PAH: variants seen among roughly 807,000 people sequenced by gnomAD.
PAH encodes phenylalanine hydroxylase, also known as phenylalanine-4-hydroxylase.
PAH carries 64 observed loss-of-function variants against 62.0 expected under a neutral mutation model. The observed-to-expected ratio is 1.03, with a 90% CI of 0.84 to 1.27. The LOEUF (loss-of-function observed/expected upper bound fraction) is 1.27. Among genes scored for constraint, PAH ranks in the 50% most tolerant of loss-of-function variants. The pLI is 0.00. For synonymous variants in PAH, 195 were observed against 196.2 expected, an observed-to-expected ratio of 0.99 and a Z score of 0.05; for missense variants, 579 against 542.8, an observed-to-expected ratio of 1.07 and a Z score of -0.66.
chr12:102,854,859 C>A, intron 6 of PAH: 1 of 503,056 alleles, frequency 2.0e-6, no homozygotes, highest in Non-Finnish European at 3.6e-6. Flanking sequence ...GCACCTTGGG[C>A]TTTAAGTGTG....
chr12:102,854,480 T>A (rs1423699119), intron 6 of PAH, among the ~76,000 whole-genome samples: 1 of 152,232 alleles, frequency 6.6e-6, no homozygotes, highest in Non-Finnish European at 1.5e-5. Context: ...TGCGACTCAA[T>A]GTACTTACCT....
At chr12:102,933,738 T>C (rs545923906) in intron 1 of PAH, among the ~76,000 whole-genome samples, 18 of 152,328 alleles carry the variant, frequency 1.2e-4, no homozygotes, top group African/African-American at 4.3e-4. Context: ...TCCATTTATA[T>C]GTTTTCTTTT....
intron 3 of PAH, among the ~76,000 whole-genome samples, chr12:102,884,532 C>T (rs1166265446): frequency 6.6e-6 from 1 of 152,110 alleles, no homozygotes; most frequent in African/African-American, 2.4e-5. Flanking sequence ...TACTTAATTC[C>T]TGCGTCTCTG....
upstream of PAH, among the ~76,000 whole-genome samples, chr12:102,921,093 C>T (rs1878540722): frequency 6.6e-6 from 1 of 152,116 alleles, no homozygotes. Context: ...CAAAGTGCTG[C>T]CAGATTGCCC....
rs62642933 is a variant in PAH at position 102,851,703 on chromosome 12, A to C, written c.896T>G (p.Phe299Cys). The change falls in exon 8 of 13, where the codon TTT becomes TGT. Residue 299 changes from phenylalanine to cysteine, a missense_variant. Coordinates refer to ENST00000553106, the MANE Select transcript of PAH (RefSeq NM_000277.3). Reference protein sequence around the residue: ...GHVPLFSDRSFAQFSQEIGLA... With the variant: ...GHVPLFSDRSCAQFSQEIGLA... ...ATTCCTTACCTGGGAAAACTGGGCA[A>C]AGCTGCGATCTGAAAACAAGGGCAC... 224 of 1,613,906 alleles carry C rather than the reference A, an allele frequency of 1.4e-4. No individual in the cohort carries two copies. Among genetic ancestry groups the C allele is most frequent in the Non-Finnish European group, 1.8e-4 (211 of 1,179,928 alleles).
intron 3 of PAH, among the ~76,000 whole-genome samples, chr12:102,885,804 A>G (rs568202547): frequency 6.6e-6 from 1 of 152,136 alleles, no homozygotes; most frequent in African/African-American, 2.4e-5. Flanking sequence ...GATGTTCACC[A>G]GCCCCAGGGG....
chr12:102,918,155 G>C (rs1474733869), upstream of PAH, among the ~76,000 whole-genome samples: 1 of 152,206 alleles, frequency 6.6e-6, no homozygotes, highest in Non-Finnish European at 1.5e-5. Flanking sequence ...GAGTGAGCTG[G>C]TGGGATTTGG....
intron 1 of PAH, among the ~76,000 whole-genome samples, chr12:102,940,760 G>A (rs376375093): frequency 1.1e-3 from 174 of 152,232 alleles, no homozygotes; most frequent in African/African-American, 3.5e-3. Flanking sequence ...TGAAAATATC[G>A]TCCACAAAAA....
At chr12:102,895,637 A>T (rs1877465901) in intron 2 of PAH, among the ~76,000 whole-genome samples, 1 of 152,056 alleles carries the variant, frequency 6.6e-6, no homozygotes, top group African/African-American at 2.4e-5. Flanking sequence ...GCCTGAGGTC[A>T]GGAGTTGGAG....
chr12:102,839,222 C>T lies in PAH; in HGVS notation c.1316-4G>A. The T allele has an allele frequency of 6.2e-7, 1 of 1,613,696 alleles. No homozygotes were observed. The highest frequency in any genetic ancestry group is 8.5e-7 in the Non-Finnish European group (1 of 1,179,716). On this transcript the variant is annotated splice_region_variant and splice_polypyrimidine_tract_variant and intron_variant, in intron 12 of 12. Transcript: ENST00000553106. ...CTGCAAAGGATTCCAATTTCACCTA[C>T]AAAGAAAAACACCATCAAAATGGGC...
intron 4 of PAH, among the ~76,000 whole-genome samples, chr12:102,873,490 G>A (rs1876441993): frequency 6.6e-6 from 1 of 152,158 alleles, no homozygotes; most frequent in Non-Finnish European, 1.5e-5. Context: ...TTATTGGGTT[G>A]GCCACGGAGA....
intron 1 of PAH, among the ~76,000 whole-genome samples, chr12:102,936,113 A>G (rs1879090410): frequency 6.6e-6 from 1 of 151,768 alleles, no homozygotes; most frequent in African/African-American, 2.4e-5. Context: ...CAAATTTTTC[A>G]ATTTCTATTT....
At chr12:102,863,383 C>G (rs1185038857) in intron 5 of PAH, among the ~76,000 whole-genome samples, 1 of 152,098 alleles carries the variant, frequency 6.6e-6, no homozygotes, top group Admixed American at 6.6e-5. Context: ...CATCTGTTCC[C>G]CATTCATCAG....
In PAH at chr12:102,841,866, T is replaced by G. The variant is rs192343280; in HGVS notation, c.1200-1351A>C. 3.3e-3 allele frequency among the ~76,000 whole-genome samples: 498 copies of G among 152,286 alleles called. 1 individual carries two copies. Among genetic ancestry groups the G allele is most frequent in the African/African-American group, 0.011 (457 of 41,564 alleles). ...GCCCTCCTCTGGAAAGGAGGTAGCA[T>G]GTGAACCATGCTCAGCCAATCACAT... On this transcript the variant is annotated intron_variant, in intron 11 of 12. Coordinates refer to ENST00000553106, the MANE Select transcript of PAH (RefSeq NM_000277.3).
upstream of PAH, among the ~76,000 whole-genome samples, chr12:102,919,932 T>TA (rs1311280924): frequency 2.0e-5 from 3 of 152,212 alleles, no homozygotes; most frequent in African/African-American, 7.2e-5. Flanking sequence ...CTCTTTGATA[T>TA]ACTGATTTCC....
chr12:102,911,443 C>A (rs35780730), intron 2 of PAH, among the ~76,000 whole-genome samples: 54,164 of 151,892 alleles, frequency 0.36, 10,350 homozygotes, highest in African/African-American at 0.47. Flanking sequence ...TGATTTCTTC[C>A]GTATTTACTA....
chr12:102,942,685 C>T (rs1879337980), intron 1 of PAH, among the ~76,000 whole-genome samples: 1 of 152,042 alleles, frequency 6.6e-6, no homozygotes, highest in Non-Finnish European at 1.5e-5. Flanking sequence ...GCTAAAGTAA[C>T]CAAAACAGCA....
At chr12:102,842,364 T>A (rs1386317470) in intron 11 of PAH, among the ~76,000 whole-genome samples, 1 of 152,134 alleles carries the variant, frequency 6.6e-6, no homozygotes, top group African/African-American at 2.4e-5. Context: ...GGAGAAATAG[T>A]CATTTTAGGC....
rs535084844 is a variant in PAH at position 102,854,989 on chromosome 12, G to A, written c.706+147C>T. On this transcript the variant is annotated intron_variant, in intron 6 of 12. Coordinates refer to ENST00000553106, the MANE Select transcript of PAH (RefSeq NM_000277.3). Reference sequence around the variant, plus strand: ...GGAAGGCAGAGCACAGTGAAATTTAGTTCTTCCTGGAGGAATCAACCTGCA... The same window carrying A: ...GGAAGGCAGAGCACAGTGAAATTTAATTCTTCCTGGAGGAATCAACCTGCA... 89 of 733,662 alleles carry A rather than the reference G, an allele frequency of 1.2e-4. No homozygotes were observed. The African/African-American group carries it at 1.3e-3, about 10-fold the overall frequency. The allele number at this position is 733,662 out of a possible 1,614,324, so 45.4% of individuals were successfully genotyped here. A position where few individuals can be genotyped will look rare whatever the true frequency, so the allele number is the denominator to read the frequency against.
Sources: allele counts gnomAD v4.1 joint callset (sites outside exome capture counted in the v4.1 genomes callset), GRCh38; gene constraint gnomAD v4.1.1; transcripts MANE v1.5; gene names NCBI Gene and HGNC (gene_info 2026-07-23, HGNC 2026-07-21).